Variants in EFHC2 observed in about 807,000 individuals in gnomAD.
EFHC2 encodes EF-hand domain-containing family member C2.
EFHC2 carries 18 observed loss-of-function variants against 52.7 expected under a neutral mutation model. The observed-to-expected ratio is 0.34, with a 90% CI of 0.24 to 0.51. The LOEUF is 0.51. Ranked by LOEUF, EFHC2 falls within the 20% of genes least tolerant of loss-of-function variation. The pLI, the probability that EFHC2 is intolerant of heterozygous loss-of-function variation, is 0.97. For synonymous variants in EFHC2, 203 were observed against 204.1 expected (o/e 0.99, Z 0.04); for missense variants, 513 against 562.5 (o/e 0.91, Z 0.89).
chrX:44,329,761 C>A (rs1047355816), intron 1 of EFHC2, among the ~76,000 whole-genome samples: 4 of 108,687 alleles, frequency 3.7e-5, no homozygotes, highest in African/African-American at 1.3e-4. Flanking sequence ...CCCCACCACA[C>A]CGGGCTTTTT....
intron 11 of EFHC2, among the ~76,000 whole-genome samples, chrX:44,212,808 T>G (rs2037110228): frequency 9.0e-6 from 1 of 110,644 alleles, no homozygotes; most frequent in South Asian, 3.9e-4. Context: ...GCCTCCTGGG[T>G]TCCAGTGATT....
At chrX:44,316,726 T>C (rs1316633433) in intron 1 of EFHC2, among the ~76,000 whole-genome samples, 1 of 111,434 alleles carries the variant, frequency 9.0e-6, no homozygotes, top group Non-Finnish European at 1.9e-5. Flanking sequence ...CAGAAAATAT[T>C]TGGAAATCAT....
intron 1 of EFHC2, among the ~76,000 whole-genome samples, chrX:44,324,628 T>C (rs930272770): frequency 6.2e-4 from 69 of 111,661 alleles, no homozygotes; most frequent in African/African-American, 2.0e-3. Flanking sequence ...GCTATAATAG[T>C]AACAATAACT....
intron 11 of EFHC2, among the ~76,000 whole-genome samples, chrX:44,185,700 C>G (rs2036868855): frequency 9.1e-6 from 1 of 110,456 alleles, no homozygotes; most frequent in African/African-American, 3.3e-5. Context: ...CCACGCTTGG[C>G]TAATTTTTAA....
At chrX:44,310,716 G>A (rs1357624051) in intron 2 of EFHC2, among the ~76,000 whole-genome samples, 2 of 111,652 alleles carry the variant, frequency 1.8e-5, no homozygotes, top group African/African-American at 6.5e-5. Context: ...AAAGCTCAAT[G>A]AATATTTAAT....
At chrX:44,170,776 T>G (rs1185355940) in intron 13 of EFHC2, among the ~76,000 whole-genome samples, 5 of 111,908 alleles carry the variant, frequency 4.5e-5, no homozygotes, top group Admixed American at 2.8e-4. Flanking sequence ...GTTAAAACTC[T>G]GATCCATGGT....
At chrX:44,201,163 T>C (rs1212719115) in intron 11 of EFHC2, among the ~76,000 whole-genome samples, 1 of 111,709 alleles carries the variant, frequency 9.0e-6, no homozygotes, top group Admixed American at 9.5e-5. Flanking sequence ...AACAAACTTT[T>C]AAATAACTAA....
intron 1 of EFHC2, among the ~76,000 whole-genome samples, chrX:44,315,408 G>A (rs73628341): frequency 0.027 from 2,997 of 110,998 alleles, 92 homozygotes; most frequent in African/African-American, 0.094. Flanking sequence ...ATTTTTGACC[G>A]CTTACTATGA....
At chrX:44,287,341 T>A (rs917235859) in intron 2 of EFHC2, among the ~76,000 whole-genome samples, 1 of 112,079 alleles carries the variant, frequency 8.9e-6, no homozygotes, top group East Asian at 2.8e-4. Context: ...AACCTGCTCC[T>A]CTCTCCCTGC....
chrX:44,269,274 C>T (rs923899866), intron 3 of EFHC2, among the ~76,000 whole-genome samples: 5 of 111,005 alleles, frequency 4.5e-5, no homozygotes, highest in African/African-American at 1.3e-4. Context: ...CTTCAAAGGC[C>T]TCATGCCCTG....
intron 11 of EFHC2, among the ~76,000 whole-genome samples, chrX:44,195,908 T>C (rs983190489): frequency 2.6e-4 from 29 of 111,279 alleles, no homozygotes; most frequent in Admixed American, 9.6e-5. Flanking sequence ...TTGGGTTTTG[T>C]TTTTTGTTTG....
rs185201247 is a variant in EFHC2 at position 44,186,143 on chromosome X, A to G, written c.1752-7579T>C. On this transcript the variant is annotated intron_variant, in intron 11 of 14. Coordinates refer to ENST00000420999, the MANE Select transcript of EFHC2 (RefSeq NM_025184.4). ...GAAATTCAGTATGTCTTGGTGCACT[A>G]GACTTCAGGCCTGTTTAAGTGTAGC... 3.5e-4 allele frequency among the ~76,000 whole-genome samples: 39 copies of G among 111,862 alleles called. 1 individual carries two copies. The East Asian group carries it at 6.2e-3, about 18-fold the overall frequency.
intron 11 of EFHC2, among the ~76,000 whole-genome samples, chrX:44,195,588 C>A (rs1045119404): frequency 8.9e-6 from 1 of 112,166 alleles, no homozygotes; most frequent in Non-Finnish European, 1.9e-5. Flanking sequence ...GAGGCAGCTT[C>A]AAACCCCAGT....
At chrX:44,190,285 G>C (rs1359479961) in intron 11 of EFHC2, among the ~76,000 whole-genome samples, 1 of 111,868 alleles carries the variant, frequency 8.9e-6, no homozygotes, top group East Asian at 2.8e-4. Context: ...AGCAGTGTTT[G>C]GCAGTGGTCT....
At chrX:44,206,467 G>T (rs986915002) in intron 11 of EFHC2, among the ~76,000 whole-genome samples, 3 of 111,556 alleles carry the variant, frequency 2.7e-5, no homozygotes, top group Admixed American at 9.5e-5. Flanking sequence ...AACTCCAAAG[G>T]TTCCTCCAAT....
At chrX:44,197,332 A>C (rs1291243896) in intron 11 of EFHC2, among the ~76,000 whole-genome samples, 1 of 111,821 alleles carries the variant, frequency 8.9e-6, no homozygotes, top group Admixed American at 9.5e-5. Flanking sequence ...TCTATTCTCC[A>C]ACTAACATGC....
At chrX:44,223,655 A>C (rs2037210911) in intron 11 of EFHC2, among the ~76,000 whole-genome samples, 1 of 111,956 alleles carries the variant, frequency 8.9e-6, no homozygotes, top group Admixed American at 9.5e-5. Context: ...ACAACATCAC[A>C]TTATTTATAT....
At chrX:44,305,149 C>T (rs1425536694) in intron 2 of EFHC2, among the ~76,000 whole-genome samples, 1 of 110,447 alleles carries the variant, frequency 9.1e-6, no homozygotes, top group African/African-American at 3.3e-5. Flanking sequence ...GTAGTCCCAG[C>T]TACTCGGGAG....
rs775907470 is a variant in EFHC2 at position 44,181,718 on chromosome X, G to A, written c.1752-3154C>T. Among the ~76,000 whole-genome samples the A allele has an allele frequency of 1.5e-4, 17 of 112,556 alleles. No individual in the cohort carries two copies. The South Asian group carries it at 3.3e-3, about 22-fold the overall frequency. On this transcript the variant is annotated intron_variant, in intron 11 of 14. Transcript: ENST00000420999. Reference sequence around the variant, plus strand: ...GCAGGGCATCAGGGGCTCCTGGAGCGGCTGCCTGTGTGGCTGCTGTGCCCA... The same window carrying A: ...GCAGGGCATCAGGGGCTCCTGGAGCAGCTGCCTGTGTGGCTGCTGTGCCCA...
Sources: allele counts gnomAD v4.1 joint callset (sites outside exome capture counted in the v4.1 genomes callset), GRCh38; gene constraint gnomAD v4.1.1; transcripts MANE v1.5; gene names NCBI Gene and HGNC (gene_info 2026-07-23, HGNC 2026-07-21).